RBFOX1: variants seen among roughly 807,000 people sequenced by gnomAD.
RBFOX1 encodes RNA binding fox-1 homolog 1.
In RBFOX1, 8 loss-of-function variants were observed where a neutral mutation model predicts 57.7. That is an observed-to-expected ratio of 0.14 (90% CI 0.08 to 0.25). RBFOX1 has a LOEUF of 0.25. RBFOX1 is among the 10% of genes least tolerant of loss of function. RBFOX1 has a pLI of 1.00. For synonymous variants in RBFOX1, 326 were observed against 222.4 expected, an observed-to-expected ratio of 1.47 and a Z score of -4.15; for missense variants, 611 against 548.5, an observed-to-expected ratio of 1.11 and a Z score of -1.14.
At chr16:5,979,223 C>T (rs1432794989) in intron 4 of RBFOX1, among the ~76,000 whole-genome samples, 1 of 152,178 alleles carries the variant, frequency 6.6e-6, no homozygotes, top group Non-Finnish European at 1.5e-5. Context: ...AAGTAAACCC[C>T]AGCACGTTTC....
intron 3 of RBFOX1, among the ~76,000 whole-genome samples, chr16:6,805,508 AC>A (rs1173647093): frequency 6.6e-6 from 1 of 152,148 alleles, no homozygotes; most frequent in Non-Finnish European, 1.5e-5. Context: ...TATGTAATGA[AC>A]CTGTACATGT....
intron 1 of RBFOX1, among the ~76,000 whole-genome samples, chr16:5,394,052 C>G (rs1178128665): frequency 6.6e-6 from 1 of 151,970 alleles, no homozygotes. Context: ...GAGACAGTGT[C>G]TTACTCTGTT....
At chr16:5,974,852 T>C (rs6500734) in intron 4 of RBFOX1, among the ~76,000 whole-genome samples, 29,864 of 151,270 alleles carry the variant, frequency 0.2, 2,931 homozygotes, top group Middle Eastern at 0.29. Flanking sequence ...CTATTAAAAA[T>C]ACAAAATTAG....
chr16:6,579,793 C>T (rs570989539), intron 2 of RBFOX1, among the ~76,000 whole-genome samples: 1 of 152,058 alleles, frequency 6.6e-6, no homozygotes, highest in African/African-American at 2.4e-5. Flanking sequence ...ACTATGTTGC[C>T]CAGGGTGGTC....
At chr16:5,763,881 C>T (rs1320880893) in intron 3 of RBFOX1, among the ~76,000 whole-genome samples, 1 of 152,168 alleles carries the variant, frequency 6.6e-6, no homozygotes, top group Admixed American at 6.5e-5. Flanking sequence ...TTTGGGTTTC[C>T]CAGATCTCTT....
At chr16:7,224,412 C>T (rs941987026) in intron 4 of RBFOX1, among the ~76,000 whole-genome samples, 1 of 152,146 alleles carries the variant, frequency 6.6e-6, no homozygotes, top group Admixed American at 6.5e-5. Flanking sequence ...TTGCCATCAC[C>T]CTTGGCCTAT....
chr16:5,821,731 A>T (rs1479669021), intron 3 of RBFOX1, among the ~76,000 whole-genome samples: 4 of 152,148 alleles, frequency 2.6e-5, no homozygotes, highest in African/African-American at 7.2e-5. Context: ...GTAGTTCTGG[A>T]GGGTGGGAAG....
intron 3 of RBFOX1, among the ~76,000 whole-genome samples, chr16:6,968,903 C>T (rs1450025119): frequency 2.0e-5 from 3 of 151,844 alleles, no homozygotes; most frequent in Non-Finnish European, 4.4e-5. Flanking sequence ...TCAGGATTCA[C>T]ATAATAAGCT....
intron 3 of RBFOX1, among the ~76,000 whole-genome samples, chr16:5,677,382 A>C (rs1031211532): frequency 1.3e-5 from 2 of 152,214 alleles, no homozygotes; most frequent in Non-Finnish European, 2.9e-5. Flanking sequence ...GAGATAGTCA[A>C]AGAATTCTTA....
At chr16:7,384,213 T>A (rs59459363) in intron 4 of RBFOX1, among the ~76,000 whole-genome samples, 2 of 151,820 alleles carry the variant, frequency 1.3e-5, no homozygotes, top group Non-Finnish European at 2.9e-5. Flanking sequence ...ATGAAACATA[T>A]ATGAAATATA....
chr16:5,533,510 C>G (rs1425001100), intron 2 of RBFOX1, among the ~76,000 whole-genome samples: 1 of 152,114 alleles, frequency 6.6e-6, no homozygotes, highest in African/African-American at 2.4e-5. Flanking sequence ...GTGTGTATTA[C>G]AGAGATGCAA....
chr16:5,347,605 C>A (rs1269185655), intron 1 of RBFOX1, among the ~76,000 whole-genome samples: 1 of 151,218 alleles, frequency 6.6e-6, no homozygotes, highest in Non-Finnish European at 1.5e-5. Flanking sequence ...TCCACCCACC[C>A]ATGCTCCCAT....
At chr16:7,288,573 G>T (rs1014413515) in intron 4 of RBFOX1, among the ~76,000 whole-genome samples, 3 of 152,182 alleles carry the variant, frequency 2.0e-5, no homozygotes, top group Non-Finnish European at 4.4e-5. Context: ...GAGAGCAGTG[G>T]CTCACACCTA....
chr16:6,973,153 A>G (rs559236625), intron 3 of RBFOX1, among the ~76,000 whole-genome samples: 10 of 151,936 alleles, frequency 6.6e-5, no homozygotes, highest in African/African-American at 2.4e-4. Context: ...AAAATTTAAA[A>G]ATAGAGACAA....
intron 4 of RBFOX1, among the ~76,000 whole-genome samples, chr16:7,425,068 T>G (rs4456519): frequency 0.075 from 11,419 of 152,258 alleles, 1,472 homozygotes; most frequent in African/African-American, 0.26. Context: ...GTTGTCTGTA[T>G]CAAGTACTCA....
intron 1 of RBFOX1, among the ~76,000 whole-genome samples, chr16:6,293,650 C>G (rs1398556448): frequency 3.9e-5 from 6 of 152,106 alleles, no homozygotes; most frequent in Admixed American, 6.6e-5. Context: ...GGTGTGAATA[C>G]AAGATCATAG....
chr16:5,326,323 A>G (rs2064570313), intron 1 of RBFOX1, among the ~76,000 whole-genome samples: 1 of 152,130 alleles, frequency 6.6e-6, no homozygotes, highest in East Asian at 1.9e-4. Flanking sequence ...TCCCCACCAA[A>G]CAGACTCAGA....
At chr16:7,667,617 T>C (rs1303933385) in intron 13 of RBFOX1, among the ~76,000 whole-genome samples, 1 of 152,192 alleles carries the variant, frequency 6.6e-6, no homozygotes, top group East Asian at 1.9e-4. Context: ...TTTAGGGCAA[T>C]TGTCAGCGGC....
intron 2 of RBFOX1, among the ~76,000 whole-genome samples, chr16:6,438,100 C>T (rs1306122460): frequency 1.3e-5 from 2 of 152,150 alleles, no homozygotes; most frequent in African/African-American, 4.8e-5. Context: ...ACTGATGTCT[C>T]ATCAAAGACC....
Sources: allele counts gnomAD v4.1 joint callset (sites outside exome capture counted in the v4.1 genomes callset), GRCh38; gene constraint gnomAD v4.1.1; transcripts MANE v1.5; gene names NCBI Gene and HGNC (gene_info 2026-07-23, HGNC 2026-07-21).